PMS1: variants seen among roughly 807,000 people sequenced by gnomAD.
PMS1 encodes PMS1 homolog 1, mismatch repair system component.
In PMS1, 79 loss-of-function variants were observed where a neutral mutation model predicts 93.1. That is an observed-to-expected ratio of 0.85 (90% CI 0.71 to 1.02). The LOEUF is 1.02. Among genes scored for constraint, PMS1 ranks in the 50% least tolerant of loss-of-function variants. The pLI is 0.00. For synonymous variants in PMS1, 335 were observed against 363.4 expected (o/e 0.92, Z 0.89); for missense variants, 1,064 against 1,085.3 (o/e 0.98, Z 0.28).
intron 5 of PMS1, among the ~76,000 whole-genome samples, chr2:189,821,238 C>T (rs1559255787): frequency 2.7e-5 from 4 of 150,452 alleles, no homozygotes; most frequent in South Asian, 2.1e-4. Context: ...GAGTGGATCA[C>T]GAGGTCAGGA....
At chr2:189,871,158 TA>T (rs1240851034) in intron 11 of PMS1, among the ~76,000 whole-genome samples, 1 of 152,198 alleles carries the variant, frequency 6.6e-6, no homozygotes, top group Non-Finnish European at 1.5e-5. Context: ...ATAGTGAAAT[TA>T]AATAGTGATG....
In PMS1 at chr2:189,806,207, T is replaced by G. The variant is rs1431658089; in HGVS notation, c.418+453T>G. 4 of 281,472 alleles carry G rather than the reference T, an allele frequency of 1.4e-5. No individual in the cohort carries two copies. In the East Asian group the frequency reaches 1.8e-4, roughly 12 times the overall value. 17.4% of individuals were successfully genotyped at this position (281,472 alleles called of 1,614,324 possible). ...AAACATGCATAAGAAGTTACTGTAC[T>G]TATCACTCAGTTTCAATAATTTATC... On this transcript the variant is annotated intron_variant, in intron 4 of 12. Coordinates refer to ENST00000441310, the MANE Select transcript of PMS1 (RefSeq NM_000534.5).
chr2:189,806,528 G>C, intron 4 of PMS1: 1 of 219,826 alleles, frequency 4.5e-6, no homozygotes, highest in Non-Finnish European at 9.2e-6. Flanking sequence ...CTCCTCAGTA[G>C]CTGGGACTAC....
chr2:189,838,744 GT>G (rs2053585943), intron 5 of PMS1, among the ~76,000 whole-genome samples: 1 of 152,072 alleles, frequency 6.6e-6, no homozygotes, highest in Non-Finnish European at 1.5e-5. Context: ...TTTGCAAATG[GT>G]TTATCTTAAA....
intron 12 of PMS1, 81 bp downstream of exon 12, chr2:189,873,737 A>G: frequency 1.0e-6 from 1 of 1,000,722 alleles, no homozygotes; most frequent in Non-Finnish European, 1.6e-6. Context: ...CAGGCCACAC[A>G]GCAGGAGGTG....
intron 5 of PMS1, among the ~76,000 whole-genome samples, chr2:189,839,602 C>T (rs2053657977): frequency 6.6e-6 from 1 of 152,192 alleles, no homozygotes; most frequent in African/African-American, 2.4e-5. Context: ...AGACAAACTC[C>T]TGTCAAGTCT....
intron 11 of PMS1, among the ~76,000 whole-genome samples, chr2:189,871,051 T>A (rs2057104528): frequency 6.6e-6 from 1 of 152,198 alleles, no homozygotes; most frequent in African/African-American, 2.4e-5. Flanking sequence ...TCTGCTTTCC[T>A]TTTACATATA....
chr2:189,858,247 T>C (rs1465472641), intron 9 of PMS1, among the ~76,000 whole-genome samples: 1 of 152,146 alleles, frequency 6.6e-6, no homozygotes, highest in African/African-American at 2.4e-5. Flanking sequence ...ATTTGGGCCA[T>C]GTGCCCTACC....
chr2:189,784,998 G>C (rs1384397414), intron 1 of PMS1, among the ~76,000 whole-genome samples: 1 of 152,186 alleles, frequency 6.6e-6, no homozygotes. Context: ...GGCCTTCTGG[G>C]TTTATCCGTA....
intron 3 of PMS1, 91 bp from the exon 4 acceptor site, chr2:189,805,557 GTAAA>G (rs1559231554): frequency 2.0e-6 from 2 of 998,688 alleles, no homozygotes; most frequent in African/African-American, 1.6e-5. Flanking sequence ...ACGCTATTGA[GTAAA>G]TATATTATGC....
At position 189,854,814 on chromosome 2, in the gene PMS1, T is replaced by C. The variant is rs763416734; in HGVS notation, c.1542T>C (p.Pro514=). The C allele has an allele frequency of 6.2e-7, 1 of 1,612,818 alleles. No homozygotes were observed. The highest frequency in any genetic ancestry group is 1.1e-5 in the South Asian group (1 of 91,046). ...LKNSVGENIE[P]VKILVPEKSL... is the part of the protein sequence containing the mutation. ...ATTCAGTGGGAGAGAATATTGAACC[T>C]GTGAAAATTTTAGTGCCTGAAAAAA... The change falls in exon 9 of 13, where the codon CCT becomes CCC. Residue 514 remains proline, a synonymous_variant. Transcript: ENST00000441310.
chr2:189,855,909 A>G (rs931900029), intron 9 of PMS1: 8 of 965,660 alleles, frequency 8.3e-6, no homozygotes, highest in Non-Finnish European at 6.6e-6. Context: ...ACCTCCAATC[A>G]TATACAGGTA....
At position 189,791,797 on chromosome 2, in the gene PMS1, G is replaced by T. The variant is rs1000532211; in HGVS notation, c.-13G>T. On this transcript the variant is annotated 5_prime_UTR_variant, in exon 2 of 13. Coordinates refer to ENST00000441310, the MANE Select transcript of PMS1 (RefSeq NM_000534.5). ...TGCATTTTTATCTTCTAGCTGCTCTGTTAAAAGCGAAAATGAAACAATTGC... is the reference window on the plus strand; with the variant it reads ...TGCATTTTTATCTTCTAGCTGCTCTTTTAAAAGCGAAAATGAAACAATTGC... 1 of 1,613,240 alleles carries T rather than the reference G, an allele frequency of 6.2e-7. No individual in the cohort carries two copies. Among genetic ancestry groups the T allele is most frequent in the Non-Finnish European group, 8.5e-7 (1 of 1,179,548 alleles).
In PMS1 at chr2:189,856,154, CT is replaced by C. The variant is rs77130183; in HGVS notation, c.1856+1039del. On this transcript the variant is annotated intron_variant, in intron 9 of 12. Coordinates refer to ENST00000441310, the MANE Select transcript of PMS1 (RefSeq NM_000534.5). ...TTTTCTCTTCAGCCTTTTTTGTCAT[CT>C]TTTTTTTTTTTTAAGTGGGAATGGT... Among the ~76,000 whole-genome samples, 1,105 of 140,104 alleles carry C rather than the reference CT, an allele frequency of 7.9e-3. 8 individuals carry two copies. The highest frequency in any genetic ancestry group is 0.047 in the East Asian group (228 of 4,854). The allele number at this position is 140,104 out of a possible 152,430, so 91.9% of individuals were successfully genotyped here.
At position 189,863,909 on chromosome 2, in the gene PMS1, C is replaced by A. The variant is rs1488109179; in HGVS notation, c.2023C>A (p.Gln675Lys). ...CAAGTTAAAAACCTCATTATCTAAT[C>A]AACCAAAACTTGATGAACTCCTTCA... The part of the protein sequence containing the change: ...KHKLKTSLSN[Q>K]PKLDELLQSQ... The change falls in exon 10 of 13, where the codon CAA becomes AAA. Residue 675 changes from glutamine to lysine, a missense_variant. Transcript: ENST00000441310. 3 of 1,613,668 alleles carry A rather than the reference C, an allele frequency of 1.9e-6. No individual in the cohort carries two copies. The highest frequency in any genetic ancestry group is 2.5e-6 in the Non-Finnish European group (3 of 1,179,698).
chr2:189,836,322 CT>C (rs1397775107), intron 5 of PMS1, among the ~76,000 whole-genome samples: 1 of 152,186 alleles, frequency 6.6e-6, no homozygotes, highest in Non-Finnish European at 1.5e-5. Flanking sequence ...TGTTTTTGCA[CT>C]GTCATCATAC....
rs1194910506 is a variant in PMS1, at chr2:189,864,147, A to C, written c.2261A>C (p.Glu754Ala). The change falls in exon 10 of 13, where the codon GAA becomes GCA. Residue 754 changes from glutamate (E) to alanine (A), a missense_variant. Glu to Ala is a moderately radical substitution (Grantham distance 107). Coordinates refer to ENST00000441310, the MANE Select transcript of PMS1 (RefSeq NM_000534.5). ...TTATTAAATCCATATAGAGTAGAAGAAGCCCTGCTATTTAAAAGACTTCTT... is the reference window on the plus strand; with the variant it reads ...TTATTAAATCCATATAGAGTAGAAGCAGCCCTGCTATTTAAAAGACTTCTT... ...VMLLNPYRVE[E>A]ALLFKRLLEN... The C allele has an allele frequency of 1.2e-6, 2 of 1,611,834 alleles. No individual in the cohort carries two copies. The highest frequency in any genetic ancestry group is 1.1e-5 in the South Asian group (1 of 91,000).
chr2:189,830,077 G>T (rs973997961), intron 5 of PMS1, among the ~76,000 whole-genome samples: 1 of 152,134 alleles, frequency 6.6e-6, no homozygotes, highest in Admixed American at 6.5e-5. Flanking sequence ...ATTGGGGTCA[G>T]TATATTTTTT....
chr2:189,788,368 A>C (rs13022742), intron 1 of PMS1, among the ~76,000 whole-genome samples: 2 of 152,218 alleles, frequency 1.3e-5, no homozygotes, highest in Non-Finnish European at 2.9e-5. Flanking sequence ...TATGCCAAAC[A>C]CTGTAATACA....
Sources: allele counts gnomAD v4.1 joint callset (sites outside exome capture counted in the v4.1 genomes callset), GRCh38; gene constraint gnomAD v4.1.1; transcripts MANE v1.5; gene names NCBI Gene and HGNC (gene_info 2026-07-23, HGNC 2026-07-21).